SNRPD3: variants seen among roughly 807,000 people sequenced by gnomAD.
SNRPD3 encodes the protein small nuclear ribonucleoprotein D3 polypeptide, also known as small nuclear ribonucleoprotein Sm D3.
For synonymous variants in SNRPD3, 66 were observed against 58.4 expected (o/e 1.13, Z -0.59); for missense variants, 73 against 167.5 (o/e 0.44, Z 3.11).
rs557822737 is a variant in SNRPD3 at position 24,568,395 on chromosome 22, G to A, written c.319+219G>A. ...CTCGCTTTGTCACCCAGGCTGGAGT[G>A]CGATGGTGTGATCTCAGCTCACTGC... is the stretch of plus-strand genomic sequence containing the variant. On this transcript the variant is annotated intron_variant, in intron 3 of 3. Transcript: ENST00000215829. Among the ~76,000 whole-genome samples, 4 of 152,150 alleles carry A rather than the reference G, an allele frequency of 2.6e-5. No homozygotes were observed. The East Asian group carries it at 5.8e-4, about 22-fold the overall frequency.
upstream of SNRPD3, chr22:24,555,824 A>T (rs367997605): frequency 3.2e-6 from 5 of 1,545,782 alleles, no homozygotes; most frequent in African/African-American, 2.7e-5. Context: ...GGGCCCAGTC[A>T]TCAGCCCTCT....
intron 3 of SNRPD3, among the ~76,000 whole-genome samples, chr22:24,570,378 AG>A (rs2045238146): frequency 7.2e-5 from 11 of 152,338 alleles, no homozygotes; most frequent in Admixed American, 5.2e-4. Flanking sequence ...TGAAAGCTCA[AG>A]TTTAAAGATG....
chr22:24,570,942 C>T (rs1164211438), intron 3 of SNRPD3, among the ~76,000 whole-genome samples: 1 of 151,648 alleles, frequency 6.6e-6, no homozygotes, highest in Non-Finnish European at 1.5e-5. Context: ...CCTCAGCCTC[C>T]CAAGTAACTG....
intron 2 of SNRPD3, among the ~76,000 whole-genome samples, chr22:24,563,292 G>GTATA (rs3037943): frequency 1.6e-5 from 2 of 124,252 alleles, no homozygotes; most frequent in South Asian, 2.3e-4. Context: ...GTGTGTGTGT[G>GTATA]TATATATATA....
chr22:24,567,777 A>C (rs1435893382), intron 2 of SNRPD3, among the ~76,000 whole-genome samples: 2 of 151,584 alleles, frequency 1.3e-5, no homozygotes, highest in Non-Finnish European at 2.9e-5. Flanking sequence ...ACTCATACCC[A>C]CGCTGAAGGT....
chr22:24,555,696 G>A (rs2045043593), upstream of SNRPD3: 1 of 1,550,656 alleles, frequency 6.4e-7, no homozygotes, highest in Non-Finnish European at 8.7e-7. Context: ...CCCGGTCTGA[G>A]GGCCCAAGCC....
At chr22:24,567,445 A>G (rs1482218326) in intron 2 of SNRPD3, among the ~76,000 whole-genome samples, 1 of 152,106 alleles carries the variant, frequency 6.6e-6, no homozygotes, top group Non-Finnish European at 1.5e-5. Context: ...TTTTTTTAAC[A>G]TGTAAAGATG....
chr22:24,567,286 G>C (rs2045205111), intron 2 of SNRPD3, among the ~76,000 whole-genome samples: 1 of 152,182 alleles, frequency 6.6e-6, no homozygotes. Context: ...GTTTGAAGCT[G>C]TTTTCGTTAG....
In SNRPD3 at chr22:24,564,883, CAT is replaced by C. The variant is rs1491320712; in HGVS notation, c.127-3100_127-3099del. On this transcript the variant is annotated intron_variant, in intron 2 of 3. Transcript: ENST00000215829. The stretch of plus-strand genomic sequence containing the variant: ...GCATTTAGACATACTTTGCCTTGTT[CAT>C]TTTTTTTTTTTTTTTTTTGACAGGG... 1.7e-4 allele frequency among the ~76,000 whole-genome samples: 21 copies of C among 127,140 alleles called. 3 individuals carry two copies. The highest frequency in any genetic ancestry group is 4.1e-3 in the Middle Eastern group (1 of 246). 83.4% of individuals were successfully genotyped at this position (127,140 alleles called of 152,430 possible).
intron 3 of SNRPD3, among the ~76,000 whole-genome samples, chr22:24,568,711 T>C (rs886476689): frequency 3.3e-5 from 5 of 151,976 alleles, no homozygotes; most frequent in South Asian, 2.1e-4. Context: ...CACCCGCCAC[T>C]GCGCCGGGCT....
chr22:24,574,837 A>G lies in SNRPD3; in HGVS notation c.*2860A>G, dbSNP rs757347553. On this transcript the variant is annotated 3_prime_UTR_variant, in exon 4 of 4. Coordinates refer to ENST00000215829, the MANE Select transcript of SNRPD3 (RefSeq NM_004175.5). ...GTGTGAGCCACTGCACCCGGCCACC[A>G]TTATCTTTTGAATCCTCTCTTCCTC... Among the ~76,000 whole-genome samples, 1 of 151,876 alleles carries G rather than the reference A, an allele frequency of 6.6e-6. No individual in the cohort carries two copies. The highest frequency in any genetic ancestry group is 2.4e-5 in the African/African-American group (1 of 41,222).
intron 2 of SNRPD3, among the ~76,000 whole-genome samples, chr22:24,566,965 G>A (rs868574093): frequency 3.3e-4 from 50 of 152,144 alleles, no homozygotes; most frequent in African/African-American, 1.1e-3. Flanking sequence ...CTGAAGTAAC[G>A]ACCCCGTCCA....
intron 2 of SNRPD3, among the ~76,000 whole-genome samples, chr22:24,563,434 T>C (rs1190228430): frequency 1.3e-5 from 2 of 151,904 alleles, no homozygotes; most frequent in African/African-American, 4.8e-5. Flanking sequence ...GAGCTTTTGT[T>C]CTCCTTCTCA....
rs764024203 is a variant in SNRPD3 at position 24,567,999 on chromosome 22, G to A, written c.142G>A (p.Val48Ile). The part of the protein sequence containing the change: ...NMNCQMSNIT[V>I]TYRDGRVAQL... ...TTCCTTCCAGATGTCCAACATCACA[G>A]TCACATACAGAGATGGCCGAGTGGC... Residue 48 changes from valine (V) to isoleucine (I), a missense_variant, in exon 3 of 4, where the codon GTC becomes ATC. By Grantham distance (29) the Val-to-Ile change is conservative. Transcript: ENST00000215829. 1 of 1,603,612 alleles carries A rather than the reference G, an allele frequency of 6.2e-7. No individual in the cohort carries two copies. The highest frequency in any genetic ancestry group is 8.5e-7 in the Non-Finnish European group (1 of 1,175,150).
chr22:24,559,847 C>T (rs1374072022), intron 2 of SNRPD3, among the ~76,000 whole-genome samples: 1 of 152,006 alleles, frequency 6.6e-6, no homozygotes, highest in African/African-American at 2.4e-5. Flanking sequence ...TTTATTTTCT[C>T]ATAGTTCTGA....
chr22:24,556,650 TC>T (rs2045072320), intron 1 of SNRPD3, among the ~76,000 whole-genome samples: 1 of 152,232 alleles, frequency 6.6e-6, no homozygotes, highest in African/African-American at 2.4e-5. Context: ...AACCTTACGT[TC>T]TATCCATTTT....
intron 3 of SNRPD3, 129 bp downstream of exon 3, chr22:24,568,305 AC>A: frequency 3.2e-6 from 2 of 631,620 alleles, no homozygotes; most frequent in Non-Finnish European, 2.7e-6. Context: ...ACCCACTGCC[AC>A]CCCTTCCCCT....
At chr22:24,558,787 AAG>A (rs2045104529) in intron 2 of SNRPD3, among the ~76,000 whole-genome samples, 2 of 152,202 alleles carry the variant, frequency 1.3e-5, no homozygotes, top group Admixed American at 1.3e-4. Flanking sequence ...TGCTCGTTAG[AAG>A]AGTCTAGCAT....
intron 2 of SNRPD3, among the ~76,000 whole-genome samples, chr22:24,566,139 G>A (rs2045194682): frequency 6.6e-6 from 1 of 152,158 alleles, no homozygotes; most frequent in Admixed American, 6.6e-5. Context: ...GGAGTGAGGA[G>A]CCTGGAGCAG....
Sources: gnomAD v4.1 joint callset for allele counts (sites outside exome capture counted in the v4.1 genomes callset) on GRCh38, gnomAD v4.1.1 for gene constraint, MANE v1.5 for transcripts, NCBI Gene and HGNC (gene_info 2026-07-23, HGNC 2026-07-21) for gene names.